Variants in FERMT2 observed in about 807,000 individuals in gnomAD.
The protein encoded by FERMT2 is FERM domain containing kindlin 2.
FERMT2 carries 15 observed loss-of-function variants against 82.7 expected under a neutral mutation model. The observed-to-expected ratio is 0.18, with a 90% CI of 0.12 to 0.28. The LOEUF (loss-of-function observed/expected upper bound fraction) is 0.28, where lower values mean the gene tolerates loss of function less well. FERMT2 is among the 10% of genes least tolerant of loss of function. The probability of loss-of-function intolerance (pLI) is 1.00; values close to 1 mark genes in which losing one functional copy is unlikely to be tolerated. For synonymous variants in FERMT2, 274 were observed against 271.5 expected (o/e 1.01, Z -0.09); for missense variants, 645 against 809.4 (o/e 0.80, Z 2.46).
At chr14:52,927,284 A>G (rs1889326211) in intron 2 of FERMT2, among the ~76,000 whole-genome samples, 1 of 152,148 alleles carries the variant, frequency 6.6e-6, no homozygotes, top group Non-Finnish European at 1.5e-5. Context: ...AAAAAAAAGA[A>G]AAAAATACAT....
At chr14:52,902,462 G>A (rs1887710577) in intron 3 of FERMT2, among the ~76,000 whole-genome samples, 1 of 151,666 alleles carries the variant, frequency 6.6e-6, no homozygotes, top group Admixed American at 6.6e-5. Context: ...AGAGGGGGAA[G>A]GGTCCTTTCC....
intron 4 of FERMT2, among the ~76,000 whole-genome samples, chr14:52,887,614 G>A (rs1298044282): frequency 6.6e-6 from 1 of 151,884 alleles, no homozygotes; most frequent in Non-Finnish European, 1.5e-5. Flanking sequence ...GATTACTTGA[G>A]GCCAAGAGTT....
At chr14:52,914,292 C>G (rs571959031) in intron 3 of FERMT2, among the ~76,000 whole-genome samples, 1 of 151,110 alleles carries the variant, frequency 6.6e-6, no homozygotes, top group East Asian at 2.0e-4. Flanking sequence ...ACTATTTGAG[C>G]CCAGGAGGTC....
chr14:52,887,663 TA>T (rs987931655), intron 4 of FERMT2, among the ~76,000 whole-genome samples: 31 of 147,192 alleles, frequency 2.1e-4, no homozygotes, highest in African/African-American at 2.2e-4. Flanking sequence ...CCCTGTCTCT[TA>T]AAAAAAAAAG....
At chr14:52,930,258 C>T (rs1889500264) in intron 2 of FERMT2, among the ~76,000 whole-genome samples, 1 of 152,146 alleles carries the variant, frequency 6.6e-6, no homozygotes, top group Admixed American at 6.5e-5. Context: ...GAATGAATTT[C>T]TTTGCTCAAG....
intron 2 of FERMT2, among the ~76,000 whole-genome samples, chr14:52,949,180 T>G (rs372013059): frequency 1.3e-5 from 2 of 152,288 alleles, no homozygotes; most frequent in South Asian, 2.1e-4. Context: ...GGAGCTTCAC[T>G]TTGGTCCTTC....
chr14:52,950,183 T>C (rs1323868796), intron 2 of FERMT2, among the ~76,000 whole-genome samples: 3 of 152,292 alleles, frequency 2.0e-5, no homozygotes, highest in Admixed American at 1.3e-4. Flanking sequence ...AAGGTTATAA[T>C]TGGGAGGCTC....
chr14:52,947,013 T>A (rs1890386124), intron 2 of FERMT2, among the ~76,000 whole-genome samples: 1 of 152,192 alleles, frequency 6.6e-6, no homozygotes, highest in African/African-American at 2.4e-5. Flanking sequence ...CTGGATGAAG[T>A]ATAAACACTG....
At chr14:52,943,853 A>G (rs1342638984) in intron 2 of FERMT2, among the ~76,000 whole-genome samples, 2 of 152,238 alleles carry the variant, frequency 1.3e-5, no homozygotes, top group African/African-American at 4.8e-5. Context: ...GTAAAATTTT[A>G]CATATTTTCT....
At chr14:52,878,954 T>C (rs1029325823) in intron 6 of FERMT2, among the ~76,000 whole-genome samples, 4 of 152,216 alleles carry the variant, frequency 2.6e-5, no homozygotes, top group African/African-American at 9.6e-5. Context: ...TATTAAAAAG[T>C]AGATTCTGTA....
At chr14:52,926,127 A>G (rs1889256075) in intron 2 of FERMT2, among the ~76,000 whole-genome samples, 1 of 63,774 alleles carries the variant, frequency 1.6e-5, no homozygotes, top group Admixed American at 1.8e-4. Context: ...GAGTAGAAGC[A>G]TGAACACATT....
chr14:52,868,531 T>G (rs1300613576), intron 10 of FERMT2, among the ~76,000 whole-genome samples: 2 of 152,216 alleles, frequency 1.3e-5, no homozygotes, highest in African/African-American at 4.8e-5. Context: ...GTATCTCTAG[T>G]ACCCAGCACA....
chr14:52,948,472 C>A (rs77109567), intron 2 of FERMT2: 3 of 412,750 alleles, frequency 7.3e-6, no homozygotes, highest in Admixed American at 6.1e-5. Flanking sequence ...GTCAGAGGCA[C>A]TTTCTATTTG....
intron 7 of FERMT2, among the ~76,000 whole-genome samples, chr14:52,876,817 T>C (rs1448868076): frequency 6.6e-6 from 1 of 152,192 alleles, no homozygotes; most frequent in Non-Finnish European, 1.5e-5. Context: ...CTCCTCACCA[T>C]ACTTTCACAG....
In FERMT2 at chr14:52,950,491, G is replaced by A. The variant is rs1890579142; in HGVS notation, c.78C>T (p.Asp26=). The A allele has an allele frequency of 1.2e-6, 2 of 1,614,110 alleles. No individual in the cohort carries two copies. The highest frequency in any genetic ancestry group is 2.7e-5 in the African/African-American group (2 of 75,028). Residue 26 remains aspartate (D), a synonymous_variant, in exon 2 of 15, where the codon GAC becomes GAT. Coordinates refer to ENST00000341590, the MANE Select transcript of FERMT2 (RefSeq NM_006832.3). ...GTWELSVHVT[D]LNRDVTLRVT... ...CTCTCAGGGTGACATCGCGGTTCAG[G>A]TCCGTCACATGGACACTCAGTTCCC... is the stretch of plus-strand genomic sequence containing the variant.
At chr14:52,879,554 A>G (rs907840359) in intron 6 of FERMT2, among the ~76,000 whole-genome samples, 1 of 152,132 alleles carries the variant, frequency 6.6e-6, no homozygotes, top group African/African-American at 2.4e-5. Flanking sequence ...TCCCCTCACA[A>G]ATGTAACTAT....
intron 3 of FERMT2, among the ~76,000 whole-genome samples, chr14:52,904,518 G>GA (rs1203837644): frequency 1.3e-5 from 2 of 149,460 alleles, no homozygotes; most frequent in African/African-American, 2.5e-5. Context: ...CTCTGTCTCA[G>GA]AAAAAACAAA....
intron 12 of FERMT2, 162 bp from the exon 13 acceptor site, chr14:52,860,627 G>T: frequency 3.2e-6 from 2 of 634,168 alleles, no homozygotes; most frequent in South Asian, 2.2e-5. Context: ...CTGTAATAAT[G>T]TAATGTATAA....
At chr14:52,886,287 GAGAGAC>G (rs752444434) in intron 4 of FERMT2, among the ~76,000 whole-genome samples, 7 of 138,920 alleles carry the variant, frequency 5.0e-5, no homozygotes, top group East Asian at 4.6e-4. Context: ...GAGAGAGAGA[GAGAGAC>G]AGACAGAGTG....
Sources: gnomAD v4.1 joint callset for allele counts (sites outside exome capture counted in the v4.1 genomes callset) on GRCh38, gnomAD v4.1.1 for gene constraint, MANE v1.5 for transcripts, NCBI Gene and HGNC (gene_info 2026-07-23, HGNC 2026-07-21) for gene names.